Variants in SMCO4 observed in about 807,000 individuals in gnomAD.
SMCO4 encodes the protein single-pass membrane and coiled-coil domain-containing protein 4.
SMCO4 carries 4 observed loss-of-function variants against 3.6 expected under a neutral mutation model. The ratio of observed to expected loss-of-function variants is 1.11; its 90% CI spans 0.54 to 2.53. SMCO4 has a LOEUF of 2.53. SMCO4 is among the 30% of genes most tolerant of loss of function. SMCO4 has a pLI of 0.02. For synonymous variants in SMCO4, 36 were observed against 35.3 expected (o/e 1.02, Z -0.07); for missense variants, 70 against 80.8 (o/e 0.87, Z 0.51).
intron 1 of SMCO4, among the ~76,000 whole-genome samples, chr11:93,516,270 T>A (rs1456410193): frequency 6.6e-6 from 1 of 152,102 alleles, no homozygotes; most frequent in Non-Finnish European, 1.5e-5. Flanking sequence ...AGAATGCCGG[T>A]CCCAAAAGAA....
At chr11:93,524,061 C>A (rs138379361) in intron 1 of SMCO4, among the ~76,000 whole-genome samples, 2 of 152,254 alleles carry the variant, frequency 1.3e-5, no homozygotes, top group East Asian at 3.9e-4. Context: ...CAGGCCTCAA[C>A]CTCTGTAGCT....
intron 1 of SMCO4, among the ~76,000 whole-genome samples, chr11:93,525,163 G>A (rs1030025375): frequency 3.3e-5 from 5 of 152,182 alleles, no homozygotes; most frequent in South Asian, 4.1e-4. Context: ...CAGGGCTCCT[G>A]AGACCACTGT....
intron 1 of SMCO4, among the ~76,000 whole-genome samples, chr11:93,541,948 C>T (rs1354172090): frequency 6.6e-6 from 1 of 152,164 alleles, no homozygotes; most frequent in South Asian, 2.1e-4. Flanking sequence ...GATAAGAAAA[C>T]AGAAGTCCAG....
At chr11:93,495,178 C>T (rs1402530223) in intron 2 of SMCO4, among the ~76,000 whole-genome samples, 3 of 152,050 alleles carry the variant, frequency 2.0e-5, no homozygotes, top group Non-Finnish European at 4.4e-5. Context: ...TTCCATCCCC[C>T]AGGGTGAGTG....
chr11:93,542,368 A>G (rs914372031), intron 1 of SMCO4, among the ~76,000 whole-genome samples: 3 of 152,128 alleles, frequency 2.0e-5, no homozygotes, highest in Non-Finnish European at 2.9e-5. Flanking sequence ...GGATGAGTGG[A>G]TGGGTGGGTG....
chr11:93,525,986 C>T (rs1029829437), intron 1 of SMCO4, among the ~76,000 whole-genome samples: 3 of 152,192 alleles, frequency 2.0e-5, no homozygotes, highest in Admixed American at 6.5e-5. Flanking sequence ...ACAGTTTATC[C>T]TCTCTGACTA....
At chr11:93,520,304 T>A (rs530007544) in intron 1 of SMCO4, among the ~76,000 whole-genome samples, 1 of 152,366 alleles carries the variant, frequency 6.6e-6, no homozygotes, top group African/African-American at 2.4e-5. Flanking sequence ...ATGATGATAA[T>A]GATGACGGTA....
intron 2 of SMCO4, among the ~76,000 whole-genome samples, chr11:93,493,381 C>A (rs763251006): frequency 1.2e-4 from 19 of 152,174 alleles, no homozygotes; most frequent in African/African-American, 4.6e-4. Context: ...GCTGCCCCCA[C>A]CTGCTCCTGG....
intron 1 of SMCO4, among the ~76,000 whole-genome samples, chr11:93,534,375 T>TAGAGAGAG (rs1555079957): frequency 0.042 from 5,944 of 142,048 alleles, 185 homozygotes; most frequent in Non-Finnish European, 0.059. Flanking sequence ...TATATATATA[T>TAGAGAGAG]AGAGAGAGAG....
intron 1 of SMCO4, among the ~76,000 whole-genome samples, chr11:93,541,363 G>A (rs1949269593): frequency 1.3e-5 from 2 of 152,196 alleles, no homozygotes; most frequent in African/African-American, 4.8e-5. Flanking sequence ...GAAAAGAAAT[G>A]AGAAGTCTGG....
intron 1 of SMCO4, among the ~76,000 whole-genome samples, chr11:93,501,119 T>C (rs1029761085): frequency 6.6e-6 from 1 of 152,240 alleles, no homozygotes; most frequent in African/African-American, 2.4e-5. Context: ...AGTTTCTTCA[T>C]TCATAAAATG....
rs1006096092 is a variant in SMCO4, at chr11:93,543,271, C to A, written c.-154+5G>T. On this transcript the variant is annotated splice_donor_5th_base_variant and intron_variant, in intron 1 of 2. Coordinates refer to ENST00000298966, the MANE Select transcript of SMCO4 (RefSeq NM_020179.3). Reference sequence around the variant, plus strand: ...GCCGCCGCCGCCGCGCCGCTCCCAGCCCACCTGCCCGCGGGCGCCGCCGCC... The same window carrying A: ...GCCGCCGCCGCCGCGCCGCTCCCAGACCACCTGCCCGCGGGCGCCGCCGCC... 6.8e-6 allele frequency: 1 copy of A among 146,608 alleles called. No homozygotes were observed. Among genetic ancestry groups the A allele is most frequent in the African/African-American group, 2.5e-5 (1 of 40,636 alleles). 9.1% of individuals were successfully genotyped at this position (146,608 alleles called of 1,614,324 possible). A position where few individuals can be genotyped will look rare whatever the true frequency, so the allele number is the denominator to read the frequency against.
At chr11:93,498,914 G>A (rs944236363) in intron 2 of SMCO4, among the ~76,000 whole-genome samples, 11 of 152,132 alleles carry the variant, frequency 7.2e-5, no homozygotes, top group Non-Finnish European at 1.2e-4. Context: ...CACAAAAACA[G>A]GCAACGAGAA....
At chr11:93,533,029 G>T (rs1024870297) in intron 1 of SMCO4, among the ~76,000 whole-genome samples, 5 of 152,180 alleles carry the variant, frequency 3.3e-5, no homozygotes, top group Non-Finnish European at 5.9e-5. Context: ...AGGCAGGCAG[G>T]GGTGCTATAC....
chr11:93,552,585 C>T, the SMCO4 span, among the ~76,000 whole-genome samples: 1 of 151,740 alleles, frequency 6.6e-6, no homozygotes, highest in Admixed American at 6.6e-5. Flanking sequence ...GATTCTCCTG[C>T]CTCAGCCTCC....
At chr11:93,498,956 G>T (rs1009327067) in intron 2 of SMCO4, among the ~76,000 whole-genome samples, 1 of 152,176 alleles carries the variant, frequency 6.6e-6, no homozygotes, top group Non-Finnish European at 1.5e-5. Context: ...ATGATGGGGG[G>T]TGTGTCACAG....
At chr11:93,509,548 T>C (rs1032247543) in intron 1 of SMCO4, among the ~76,000 whole-genome samples, 8 of 152,132 alleles carry the variant, frequency 5.3e-5, no homozygotes, top group African/African-American at 1.7e-4. Context: ...TTCGCATTTG[T>C]AAAAATATGG....
At chr11:93,529,449 C>G (rs187225325) in intron 1 of SMCO4, among the ~76,000 whole-genome samples, 4 of 152,208 alleles carry the variant, frequency 2.6e-5, no homozygotes, top group African/African-American at 9.6e-5. Context: ...AGCGATGCTC[C>G]CCAGAGGGGT....
intron 1 of SMCO4, among the ~76,000 whole-genome samples, chr11:93,503,640 AAC>A (rs1742200265): frequency 6.6e-6 from 1 of 152,154 alleles, no homozygotes; most frequent in African/African-American, 2.4e-5. Context: ...CACACACACA[AAC>A]ACACAGACAC....
Sources: gnomAD v4.1 joint callset for allele counts (sites outside exome capture counted in the v4.1 genomes callset) on GRCh38, gnomAD v4.1.1 for gene constraint, MANE v1.5 for transcripts, NCBI Gene and HGNC (gene_info 2026-07-23, HGNC 2026-07-21) for gene names.